CNTROB: variants seen among roughly 807,000 people sequenced by gnomAD.
CNTROB encodes the protein centrobin.
CNTROB carries 82 observed loss-of-function variants against 115.7 expected under a neutral mutation model. The observed-to-expected ratio is 0.71, with a 90% confidence interval of 0.59 to 0.85. The LOEUF is 0.85. Ranked by LOEUF, CNTROB falls within the 40% of genes least tolerant of loss-of-function variation. The pLI, the probability that CNTROB is intolerant of heterozygous loss-of-function variation, is 0.00. For missense variants in CNTROB, 1,014 were observed against 1,144.4 expected (o/e 0.89, Z 1.64); for synonymous variants, 439 against 456.4 (o/e 0.96, Z 0.49).
At chr17:7,942,897 G>T (rs1353424493) in intron 9 of CNTROB, among the ~76,000 whole-genome samples, 2 of 139,330 alleles carry the variant, frequency 1.4e-5, no homozygotes, top group African/African-American at 2.7e-5. Context: ...CGCCTCCCAG[G>T]TTCATGCCAT....
At position 7,940,023 on chromosome 17, in the gene CNTROB, A is replaced by T. The variant is rs149126189; in HGVS notation, c.1165-73A>T. On this transcript the variant is annotated intron_variant, in intron 8 of 18. Coordinates refer to ENST00000563694, the MANE Select transcript of CNTROB (RefSeq NM_053051.5). ...AGCTTGGATTTTAGGGTTTGGGAGG[A>T]TGAACTGGGGAGTGTAGGTAACCAG... 519 of 1,478,690 alleles carry T rather than the reference A, an allele frequency of 3.5e-4. 9 individuals carry two copies. In the East Asian group the frequency reaches 0.012, roughly 33 times the overall value. 91.6% of individuals were successfully genotyped at this position (1,478,690 alleles called of 1,614,324 possible).
chr17:7,937,384 G>A, intron 7 of CNTROB, 122 bp downstream of exon 7: 1 of 1,183,662 alleles, frequency 8.4e-7, no homozygotes, highest in Non-Finnish European at 1.2e-6. Flanking sequence ...GTTTCCCAAA[G>A]TGTGTTCCTT....
Position 7,941,888 on chromosome 17 carries a change from TG to T in CNTROB, c.1312-1501del, listed in dbSNP as rs1326589805. On this transcript the variant is annotated intron_variant, in intron 9 of 18. Coordinates refer to ENST00000563694, the MANE Select transcript of CNTROB (RefSeq NM_053051.5). ...TGAGGTGGGAGGATCAACTGAACCCTGGAAGTAGAGGCTGCAGTGACCCGTG... is the reference window on the plus strand; with the variant it reads ...TGAGGTGGGAGGATCAACTGAACCCTGAAGTAGAGGCTGCAGTGACCCGTG... Among the ~76,000 whole-genome samples, 75 of 141,022 alleles carry T rather than the reference TG, an allele frequency of 5.3e-4. 1 individual carries two copies. Among genetic ancestry groups the T allele is most frequent in the African/African-American group, 2.0e-3 (75 of 37,638 alleles). The allele number at this position is 141,022 out of a possible 152,430, so 92.5% of individuals were successfully genotyped here.
intron 7 of CNTROB, among the ~76,000 whole-genome samples, chr17:7,937,676 G>A (rs1973346201): frequency 6.6e-6 from 1 of 152,092 alleles, no homozygotes; most frequent in South Asian, 2.1e-4. Flanking sequence ...GGTGGTGCAT[G>A]CCTGTAGTCC....
At chr17:7,934,399 CT>C in intron 2 of CNTROB, 65 bp from the exon 3 acceptor site, 3 of 1,486,334 alleles carry the variant, frequency 2.0e-6, no homozygotes, top group Non-Finnish European at 2.8e-6. Context: ...GGCCTTTTCT[CT>C]TCAGGTGGCC....
chr17:7,941,323 G>A (rs1163887559), intron 9 of CNTROB, among the ~76,000 whole-genome samples: 3 of 152,282 alleles, frequency 2.0e-5, no homozygotes, highest in Middle Eastern at 3.4e-3. Context: ...CCTTTGGCCC[G>A]GTATGGTGGC....
chr17:7,933,231 C>T lies in CNTROB; in HGVS notation c.152C>T (p.Thr51Met), dbSNP rs1567904116. 3.1e-6 allele frequency: 5 copies of T among 1,614,238 alleles called. No homozygotes were observed. The highest frequency in any genetic ancestry group is 4.5e-5 in the East Asian group (2 of 44,888). ...SLRLSRQAEA[T>M]ARAQLYLPST... ...CGCCTCAGCCGGCAGGCGGAGGCCA[C>T]GGCCCGAGCCCAGCTGTATTTACCC... is the stretch of plus-strand genomic sequence containing the variant. The change falls in exon 1 of 19, where the codon ACG (threonine) becomes ATG (methionine). Residue 51 changes from threonine (T) to methionine (M), a missense_variant. Physicochemically the swap from Thr to Met is moderately conservative, Grantham distance 81 (BLOSUM62 -1). Transcript: ENST00000563694.
rs1974984086 is a variant in CNTROB at position 7,949,543 on chromosome 17, A to G, written c.*33A>G. 2 of 1,557,124 alleles carry G rather than the reference A, an allele frequency of 1.3e-6. No homozygotes were observed. Among genetic ancestry groups the G allele is most frequent in the Non-Finnish European group, 1.7e-6 (2 of 1,153,600 alleles). On this transcript the variant is annotated 3_prime_UTR_variant, in exon 19 of 19. Transcript: ENST00000563694. ...TACCCTCTCTCCTCTTTGTTCTCTC[A>G]TTGTTGTTATTTTAATAAATGCTCA... is the stretch of plus-strand genomic sequence containing the variant.
chr17:7,940,215 C>A lies in CNTROB; in HGVS notation c.1284C>A (p.Ala428=). ...ATACAGCTCGGAGAGAGAGAGATGC[C>A]CTGCAGCTGGAAATGAGCTTGGTGC... ...ELDTARRERD[A]LQLEMSLVQA... is the part of the protein sequence containing the mutation. The change falls in exon 9 of 19, where the codon GCC becomes GCA. Residue 428 remains alanine (A), a synonymous_variant. Transcript: ENST00000563694. The A allele has an allele frequency of 1.2e-6, 2 of 1,609,790 alleles. No individual in the cohort carries two copies. Among genetic ancestry groups the A allele is most frequent in the Non-Finnish European group, 8.5e-7 (1 of 1,178,788 alleles).
intron 4 of CNTROB, 118 bp downstream of exon 4, chr17:7,935,263 G>A: frequency 6.7e-7 from 1 of 1,483,508 alleles, no homozygotes; most frequent in Non-Finnish European, 9.2e-7. Flanking sequence ...CAGCACTTTG[G>A]GAGGCTGAGG....
At position 7,944,425 on chromosome 17, in the gene CNTROB, A is replaced by G; in HGVS notation, c.1572-51A>G. 1.9e-6 allele frequency: 3 copies of G among 1,600,848 alleles called. No homozygotes were observed. The highest frequency in any genetic ancestry group is 1.7e-6 in the Non-Finnish European group (2 of 1,170,994). ...CCCTTCTGGCTCTTTTTAGCTCCCA[A>G]GTATCTGCTTCCTTAAAGGCCCTGA... On this transcript the variant is annotated intron_variant, in intron 11 of 18. Coordinates refer to ENST00000563694, the MANE Select transcript of CNTROB (RefSeq NM_053051.5). The surrounding 1 kb of genome is among the most constrained non-coding windows in gnomAD (Gnocchi z 4.0).
At chr17:7,936,957 C>T (rs1363110591) in intron 6 of CNTROB, 140 bp downstream of exon 6, 1 of 750,102 alleles carries the variant, frequency 1.3e-6, no homozygotes, top group East Asian at 2.5e-5. Context: ...TCTTCTCATC[C>T]CTCCTTTCTT....
Position 7,944,739 on chromosome 17 carries a change from G to A in CNTROB, c.1734+101G>A. 7.0e-7 allele frequency: 1 copy of A among 1,418,764 alleles called. No homozygotes were observed. The allele number at this position is 1,418,764 out of a possible 1,614,324, so 87.9% of individuals were successfully genotyped here. ...CTTGCCCAGGCTGGAGTGTACTGGT[G>A]AGATCATAGCTCATTGCAGCCTCGA... On this transcript the variant is annotated intron_variant, in intron 12 of 18. Coordinates refer to ENST00000563694, the MANE Select transcript of CNTROB (RefSeq NM_053051.5). This position sits in a 1 kb window ranked among gnomAD's most constrained non-coding sequence, Gnocchi z 4.0.
At chr17:7,949,363 T>C in intron 18 of CNTROB, 22 bp from the exon 19 acceptor site, 3 of 1,612,952 alleles carry the variant, frequency 1.9e-6, no homozygotes, top group African/African-American at 1.3e-5. Context: ...GATTTCTTCC[T>C]CTCTCTTCCC....
At chr17:7,941,969 A>C (rs1973933596) in intron 9 of CNTROB, among the ~76,000 whole-genome samples, 1 of 147,332 alleles carries the variant, frequency 6.8e-6, no homozygotes, top group African/African-American at 2.5e-5. Flanking sequence ...GTCTCAAAAA[A>C]AAAAAAGACA....
chr17:7,932,140 T>A, upstream of CNTROB: 1 of 401,858 alleles, frequency 2.5e-6, no homozygotes, highest in South Asian at 3.2e-5. Context: ...AGAAGTGATG[T>A]GAGTGTCTGC....
Position 7,934,052 on chromosome 17 carries a change from A to G in CNTROB, c.271-86A>G, listed in dbSNP as rs117354768. On this transcript the variant is annotated intron_variant, in intron 1 of 18. Transcript: ENST00000563694. ...CCGTTTGGTTTTTCTTGTTTTCCAA[A>G]GTGCTGGAGTGAAAATTCTACCCTG... 2,998 of 1,104,240 alleles carry G rather than the reference A, an allele frequency of 2.7e-3. 7 individuals are homozygous for G. Among genetic ancestry groups the G allele is most frequent in the Non-Finnish European group, 3.5e-3 (2,537 of 727,250 alleles). The allele number at this position is 1,104,240 out of a possible 1,614,324, so 68.4% of individuals were successfully genotyped here.
chr17:7,942,400 A>G (rs922606189), intron 9 of CNTROB, among the ~76,000 whole-genome samples: 3 of 151,986 alleles, frequency 2.0e-5, no homozygotes, highest in African/African-American at 7.3e-5. Context: ...GATTGAGACC[A>G]TCCTGGCTAA....
chr17:7,934,940 G>C, intron 3 of CNTROB, 49 bp from the exon 4 acceptor site: 1 of 1,524,632 alleles, frequency 6.6e-7, no homozygotes, highest in East Asian at 2.3e-5. Flanking sequence ...TGGACAAGTG[G>C]ATTCCAAAAG....
Sources: allele counts gnomAD v4.1 joint callset (sites outside exome capture counted in the v4.1 genomes callset), GRCh38; gene constraint gnomAD v4.1.1; non-coding constraint Gnocchi (gnomAD v3.1); transcripts MANE v1.5; gene names NCBI Gene and HGNC (gene_info 2026-07-23, HGNC 2026-07-21).